The following AKAP6 variants were observed in gnomAD, a reference collection of about 807,000 sequenced individuals.
The protein encoded by AKAP6 is A-kinase anchor protein 6.
Under a neutral mutation model 188.5 loss-of-function variants are expected in AKAP6, and 58 were observed. The ratio of observed to expected loss-of-function variants is 0.31; its 90% CI spans 0.25 to 0.38. The LOEUF (loss-of-function observed/expected upper bound fraction) is 0.38, where lower values mean the gene tolerates loss of function less well. Among genes scored for constraint, AKAP6 ranks in the 10% least tolerant of loss-of-function variants. The probability of loss-of-function intolerance (pLI) is 1.00; values close to 1 mark genes in which losing one functional copy is unlikely to be tolerated. For missense variants in AKAP6, 2,710 were observed against 2,740.0 expected (o/e 0.99, Z 0.24); for synonymous variants, 989 against 998.6 (o/e 0.99, Z 0.18).
At chr14:32,522,891 G>A (rs1364821641) in intron 2 of AKAP6, among the ~76,000 whole-genome samples, 1 of 152,050 alleles carries the variant, frequency 6.6e-6, no homozygotes, top group Non-Finnish European at 1.5e-5. Context: ...GTTTAATGGG[G>A]CACTATTCAC....
At chr14:32,475,397 C>T (rs1424988316) in intron 2 of AKAP6, among the ~76,000 whole-genome samples, 2 of 152,154 alleles carry the variant, frequency 1.3e-5, no homozygotes, top group African/African-American at 4.8e-5. Flanking sequence ...TCAGGCATCC[C>T]CTCCATTAAT....
At chr14:32,530,494 A>T (rs1254502829) in intron 2 of AKAP6, among the ~76,000 whole-genome samples, 1 of 151,992 alleles carries the variant, frequency 6.6e-6, no homozygotes, top group South Asian at 2.1e-4. Flanking sequence ...AGCCCTGGAG[A>T]TTGGCAATTT....
chr14:32,778,603 A>G (rs920984570), intron 12 of AKAP6, among the ~76,000 whole-genome samples: 1 of 152,032 alleles, frequency 6.6e-6, no homozygotes, highest in Admixed American at 6.6e-5. Flanking sequence ...CTACAATGCT[A>G]TGGCACAATC....
chr14:32,495,515 T>TTAG, intron 2 of AKAP6: 1 of 152,120 alleles, frequency 6.6e-6, no homozygotes, highest in Non-Finnish European at 1.5e-5. Context: ...ACATAGCACG[T>TTAG]TTATGTTAGT....
intron 2 of AKAP6, among the ~76,000 whole-genome samples, chr14:32,516,766 A>T (rs1008982427): frequency 6.6e-6 from 1 of 152,138 alleles, no homozygotes; most frequent in South Asian, 2.1e-4. Context: ...TTTATTTTTC[A>T]ATACATGTTT....
At chr14:32,380,612 A>T (rs950654903) in intron 1 of AKAP6, among the ~76,000 whole-genome samples, 6 of 152,232 alleles carry the variant, frequency 3.9e-5, no homozygotes, top group Admixed American at 2.0e-4. Context: ...TTCAAGAGGC[A>T]TATAGACAGA....
intron 1 of AKAP6, among the ~76,000 whole-genome samples, chr14:32,354,246 G>C (rs1411241980): frequency 6.6e-6 from 1 of 151,712 alleles, no homozygotes; most frequent in Admixed American, 6.6e-5. Context: ...GCATGGTACT[G>C]GTACCAAAAC....
intron 12 of AKAP6, among the ~76,000 whole-genome samples, chr14:32,815,107 C>T (rs571915032): frequency 2.0e-5 from 3 of 152,310 alleles, no homozygotes; most frequent in Admixed American, 2.0e-4. Flanking sequence ...TTTAAAACAA[C>T]ATCTAATGGA....
chr14:32,517,818 TC>T (rs1325815292), intron 2 of AKAP6, among the ~76,000 whole-genome samples: 1 of 152,170 alleles, frequency 6.6e-6, no homozygotes, highest in African/African-American at 2.4e-5. Context: ...CACTTAAACC[TC>T]CCTGTCTGAC....
intron 13 of AKAP6, among the ~76,000 whole-genome samples, chr14:32,827,153 T>C (rs564981309): frequency 3.3e-5 from 5 of 152,356 alleles, no homozygotes; most frequent in Admixed American, 6.5e-5. Flanking sequence ...CAGTATTTAA[T>C]GTCAAGAATA....
intron 1 of AKAP6, among the ~76,000 whole-genome samples, chr14:32,383,636 A>G (rs938246382): frequency 9.2e-5 from 14 of 152,196 alleles, no homozygotes; most frequent in African/African-American, 3.4e-4. Context: ...CAATTTACTC[A>G]ATAAGCCCAG....
At chr14:32,712,152 G>A (rs1311699719) in intron 9 of AKAP6, among the ~76,000 whole-genome samples, 1 of 151,958 alleles carries the variant, frequency 6.6e-6, no homozygotes, top group Non-Finnish European at 1.5e-5. Flanking sequence ...CAAGTCACGT[G>A]AATCTTTTGG....
chr14:32,727,558 T>C (rs1362913119), intron 9 of AKAP6, among the ~76,000 whole-genome samples: 1 of 152,198 alleles, frequency 6.6e-6, no homozygotes, highest in East Asian at 1.9e-4. Flanking sequence ...CAATTAACAG[T>C]ACATGGCCAG....
rs147234062 is a variant in AKAP6, at chr14:32,820,259, T to A, written c.3589-1143T>A. Among the ~76,000 whole-genome samples, 143 of 152,066 alleles carry A rather than the reference T, an allele frequency of 9.4e-4. 1 individual carries two copies. The highest frequency in any genetic ancestry group is 3.4e-3 in the Middle Eastern group (1 of 294). ...TTCTGTTTGTGTTTCTGTCTGTAGG[T>A]GAGCCCATCAAGTTCTGCACTATGT... On this transcript the variant is annotated intron_variant, in intron 12 of 13. Transcript: ENST00000280979.
intron 12 of AKAP6, among the ~76,000 whole-genome samples, chr14:32,784,078 A>G (rs1208917933): frequency 6.6e-6 from 1 of 152,190 alleles, no homozygotes; most frequent in African/African-American, 2.4e-5. Flanking sequence ...CAAAAATTAT[A>G]TCTAAATGGG....
At position 32,824,202 on chromosome 14, in the gene AKAP6, A is replaced by G; in HGVS notation, c.6389A>G (p.Glu2130Gly). 1.9e-6 allele frequency: 3 copies of G among 1,613,954 alleles called. No individual in the cohort carries two copies. Among genetic ancestry groups the G allele is most frequent in the Non-Finnish European group, 1.7e-6 (2 of 1,179,948 alleles). Residue 2130 changes from glutamate (E) to glycine (G), a missense_variant, in exon 13 of 14, where the codon GAA becomes GGA. Physicochemically the swap from Glu to Gly is moderately conservative, Grantham distance 98 (BLOSUM62 -2). This residue lies in a region of AKAP6 where 2,473 missense variants were observed against 2,426.1 expected (regional missense o/e 1.02). Coordinates refer to ENST00000280979, the MANE Select transcript of AKAP6 (RefSeq NM_004274.5). The stretch of plus-strand genomic sequence containing the variant: ...TGTGGGGAGGTCACCAATTACATAG[A>G]AGAGAAAAGCAGCACTCCATTGCCA... ...SDCGEVTNYI[E>G]EKSSTPLPLD...
chr14:32,634,074 A>G (rs1887389213), intron 7 of AKAP6, among the ~76,000 whole-genome samples: 1 of 152,058 alleles, frequency 6.6e-6, no homozygotes, highest in South Asian at 2.1e-4. Context: ...CACAATCTCT[A>G]CACATCTGCT....
At chr14:32,670,725 T>TC (rs1454984394) in intron 7 of AKAP6, among the ~76,000 whole-genome samples, 1 of 151,634 alleles carries the variant, frequency 6.6e-6, no homozygotes. Flanking sequence ...AGCTTTTTTT[T>TC]CTTCTTTTTT....
chr14:32,548,237 G>A (rs1807280690), intron 4 of AKAP6, among the ~76,000 whole-genome samples: 1 of 151,920 alleles, frequency 6.6e-6, no homozygotes, highest in South Asian at 2.1e-4. Context: ...GTGTAGCTGG[G>A]ATTATAGGCC....
Sources: gnomAD v4.1 joint callset for allele counts (sites outside exome capture counted in the v4.1 genomes callset) on GRCh38, gnomAD v4.1.1 for gene constraint, gnomAD v4.1.1 regional missense constraint, MANE v1.5 for transcripts, NCBI Gene and HGNC (gene_info 2026-07-23, HGNC 2026-07-21) for gene names.